C1S: variants seen among roughly 807,000 people sequenced by gnomAD.
C1S encodes the protein complement C1s subcomponent.
Under a neutral mutation model 54.0 loss-of-function variants are expected in C1S, and 31 were observed. The ratio of observed to expected loss-of-function variants is 0.57; its 90% CI spans 0.43 to 0.78. The LOEUF is 0.78. C1S is among the 30% of genes least tolerant of loss of function. The pLI, the probability that C1S is intolerant of heterozygous loss-of-function variation, is 0.00. For synonymous variants in C1S, 292 were observed against 303.6 expected (o/e 0.96, Z 0.40); for missense variants, 727 against 851.8 (o/e 0.85, Z 1.82).
rs782018758 is a variant in C1S, at chr12:7,062,886, T to G, written c.214-4T>G. 129 of 1,613,578 alleles carry G rather than the reference T, an allele frequency of 8.0e-5. No homozygotes were observed. The highest frequency in any genetic ancestry group is 1.1e-4 in the Non-Finnish European group (129 of 1,179,874). ...AGATTTTTTTTTTGTGACTCTTCTC[T>G]TAGATAATCTCAGGAGACACTGAAG... On this transcript the variant is annotated splice_region_variant and splice_polypyrimidine_tract_variant and intron_variant, in intron 3 of 11. Coordinates refer to ENST00000360817, the MANE Select transcript of C1S (RefSeq NM_001734.5).
At chr12:7,064,232 T>A in intron 4 of C1S, 35 bp from the exon 5 acceptor site, 1 of 1,613,250 alleles carries the variant, frequency 6.2e-7, no homozygotes, top group Non-Finnish European at 8.5e-7. Flanking sequence ...TCTTGGTGTT[T>A]GTTCTTGACC....
rs1937815259 is a variant in C1S, at chr12:7,070,320, C to T, written c.1736C>T (p.Ala579Val). The change falls in exon 12 of 12, where the codon GCT (alanine) becomes GTT (valine). Residue 579 changes from alanine (A) to valine (V), a missense_variant. Physicochemically the swap from Ala to Val is moderately conservative, Grantham distance 64 (BLOSUM62 0). Coordinates refer to ENST00000360817, the MANE Select transcript of C1S (RefSeq NM_001734.5). The surrounding 1 kb of genome is among the most constrained non-coding windows in gnomAD (Gnocchi z 4.9). Reference sequence around the variant, plus strand: ...GGCCGAACAGAGAAGAGAGATCGTGCTGTTCGCCTCAAGGCGGCAAGGTTA... The same window carrying T: ...GGCCGAACAGAGAAGAGAGATCGTGTTGTTCGCCTCAAGGCGGCAAGGTTA... ...GWGRTEKRDR[A>V]VRLKAARLPV... 1 of 1,614,262 alleles carries T rather than the reference C, an allele frequency of 6.2e-7. No individual in the cohort carries two copies. The highest frequency in any genetic ancestry group is 8.5e-7 in the Non-Finnish European group (1 of 1,180,054).
intron 5 of C1S, among the ~76,000 whole-genome samples, 183 bp from the exon 6 acceptor site, chr12:7,064,917 A>T (rs1947151110): frequency 6.6e-6 from 1 of 152,170 alleles, no homozygotes; most frequent in Admixed American, 6.5e-5. Flanking sequence ...CCTAATAGGG[A>T]TTGGGTATTC....
chr12:7,063,202 C>G (rs1565620001), intron 4 of C1S, 135 bp downstream of exon 4: 1 of 783,978 alleles, frequency 1.3e-6, no homozygotes, highest in Non-Finnish European at 2.1e-6. Context: ...CTGGGTCGCT[C>G]CATAAATCAC....
At chr12:7,064,949 G>A (rs1002251749) in intron 5 of C1S, 151 bp from the exon 6 acceptor site, 1 of 680,084 alleles carries the variant, frequency 1.5e-6, no homozygotes, top group Non-Finnish European at 2.6e-6. Context: ...TATTGCACGT[G>A]TAATTGCTCT....
intron 4 of C1S, among the ~76,000 whole-genome samples, chr12:7,063,746 C>T (rs781850593): frequency 2.0e-4 from 30 of 152,222 alleles, no homozygotes; most frequent in Admixed American, 3.3e-4. Flanking sequence ...CTGCCTAGGC[C>T]GGGCATGGTA....
At position 7,070,928 on chromosome 12, in the gene C1S, G is replaced by C. The variant is rs1051854467; in HGVS notation, c.*277G>C. The C allele has an allele frequency of 4.4e-6, 2 of 452,338 alleles. No homozygotes were observed. The highest frequency in any genetic ancestry group is 8.1e-6 in the Non-Finnish European group (2 of 247,986). 28.0% of individuals were successfully genotyped at this position (452,338 alleles called of 1,614,324 possible). The stretch of plus-strand genomic sequence containing the variant: ...ACTCCTTTCTTGCACTATTCCACAG[G>C]GATACCTTAATTCTTTGTTTCCTCT... On this transcript the variant is annotated 3_prime_UTR_variant, in exon 12 of 12. Transcript: ENST00000360817. The surrounding 1 kb of genome is among the most constrained non-coding windows in gnomAD (Gnocchi z 4.9).
In C1S at chr12:7,067,749, C is replaced by G; in HGVS notation, c.1173C>G (p.Tyr391Ter). The G allele has an allele frequency of 6.2e-7, 1 of 1,613,910 alleles. No individual in the cohort carries two copies. The highest frequency in any genetic ancestry group is 8.5e-7 in the Non-Finnish European group (1 of 1,179,824). The change falls in exon 10 of 12, where the codon TAC becomes TAG. Residue 391 changes from tyrosine to a stop codon, truncating the protein, a stop_gained. Transcript: ENST00000360817. LOFTEE classifies it high-confidence loss of function. ...VIRYTCEEPY[Y>*]YMENGGGGEY... is the part of the protein sequence containing the mutation. Reference sequence around the variant, plus strand: ...GCTACACTTGTGAGGAGCCATATTACTACATGGAAAATGGAGGAGGTGGTA... The same window carrying G: ...GCTACACTTGTGAGGAGCCATATTAGTACATGGAAAATGGAGGAGGTGGTA...
At chr12:7,066,660 A>G (rs781813942) in intron 8 of C1S, 27 bp downstream of exon 8, 2 of 1,334,098 alleles carry the variant, frequency 1.5e-6, no homozygotes, top group Non-Finnish European at 2.2e-6. Flanking sequence ...GCTTCTCCCC[A>G]GTCCCTGGCC....
intron 11 of C1S, among the ~76,000 whole-genome samples, 188 bp from the exon 12 acceptor site, chr12:7,069,667 G>A (rs1190240982): frequency 2.0e-5 from 3 of 149,326 alleles, no homozygotes; most frequent in East Asian, 2.0e-4. Context: ...TTATGACATC[G>A]GCAAAGCGGG....
In C1S at chr12:7,068,457, G is replaced by C. The variant is rs782142951; in HGVS notation, c.1197G>C (p.Gly399=). The C allele has an allele frequency of 3.7e-6, 6 of 1,611,368 alleles. No individual in the cohort carries two copies. In the South Asian group the frequency reaches 6.6e-5, roughly 18 times the overall value. Reference sequence around the variant, plus strand: ...CCTGTGTTCTCTGTGCTATTCCAGGGGAGTATCACTGTGCTGGTAACGGGA... The same window carrying C: ...CCTGTGTTCTCTGTGCTATTCCAGGCGAGTATCACTGTGCTGGTAACGGGA... The part of the protein sequence containing the change: ...PYYYMENGGG[G]EYHCAGNGSW... The change falls in exon 11 of 12, where the codon GGG becomes GGC. Residue 399 remains glycine, a splice_region_variant and synonymous_variant. Coordinates refer to ENST00000360817, the MANE Select transcript of C1S (RefSeq NM_001734.5).
At chr12:7,062,713 G>A (rs930845190) in intron 3 of C1S, 31 bp downstream of exon 3, 1 of 1,593,252 alleles carries the variant, frequency 6.3e-7, no homozygotes, top group Non-Finnish European at 8.6e-7. Flanking sequence ...GAATAGAGAT[G>A]GAAGACTAGG....
intron 10 of C1S, among the ~76,000 whole-genome samples, 193 bp from the exon 11 acceptor site, chr12:7,068,263 T>C (rs1937730102): frequency 6.6e-6 from 1 of 152,220 alleles, no homozygotes; most frequent in Admixed American, 6.5e-5. Flanking sequence ...TTTGTCTCCC[T>C]GGCAGGCTAG....
chr12:7,066,510 CT>C lies in C1S; in HGVS notation c.872-5del. 2 of 1,554,410 alleles carry C rather than the reference CT, an allele frequency of 1.3e-6. No homozygotes were observed. Among genetic ancestry groups the C allele is most frequent in the Non-Finnish European group, 1.8e-6 (2 of 1,125,456 alleles). On this transcript the variant is annotated splice_region_variant and splice_polypyrimidine_tract_variant and intron_variant, in intron 7 of 11. Transcript: ENST00000360817. ...TTTTCCTCCTGTCCCAACTTCTGTTCTTTCAAGCAATGCCCTGCCCTAAGGA... is the reference window on the plus strand; with the variant it reads ...TTTTCCTCCTGTCCCAACTTCTGTTCTTCAAGCAATGCCCTGCCCTAAGGA...
rs1189443633 is a variant in C1S at position 7,070,336 on chromosome 12, G to A, written c.1752G>A (p.Ala584=). 27 of 1,614,148 alleles carry A rather than the reference G, an allele frequency of 1.7e-5. No individual in the cohort carries two copies. Among genetic ancestry groups the A allele is most frequent in the African/African-American group, 2.7e-5 (2 of 74,950 alleles). The change falls in exon 12 of 12, where the codon GCG becomes GCA. Residue 584 remains alanine (A), a synonymous_variant. Transcript: ENST00000360817. The surrounding 1 kb of genome is among the most constrained non-coding windows in gnomAD (Gnocchi z 4.9). ...EKRDRAVRLK[A]ARLPVAPLRK... ...GAGATCGTGCTGTTCGCCTCAAGGC[G>A]GCAAGGTTACCTGTAGCTCCTTTAA...
intron 9 of C1S, 115 bp from the exon 10 acceptor site, chr12:7,067,528 C>G: frequency 1.7e-6 from 2 of 1,209,566 alleles, no homozygotes; most frequent in Non-Finnish European, 2.4e-6. Flanking sequence ...GAGGTTCATC[C>G]CAGGTGTGCC....
At chr12:7,064,233 G>T (rs1555161725) in intron 4 of C1S, 34 bp from the exon 5 acceptor site, 2 of 1,613,028 alleles carry the variant, frequency 1.2e-6, no homozygotes, top group South Asian at 1.1e-5. Flanking sequence ...CTTGGTGTTT[G>T]TTCTTGACCT....
Position 7,061,920 on chromosome 12 carries a change from A to G in C1S, c.5+3A>G. ...GTGGACAAATCGCCAGAGATGTGGT[A>G]AGTGATCAAGGGTCCCTGAGATGAC... On this transcript the variant is annotated splice_donor_region_variant and intron_variant, in intron 2 of 11. Coordinates refer to ENST00000360817, the MANE Select transcript of C1S (RefSeq NM_001734.5). 6.2e-7 allele frequency: 1 copy of G among 1,613,814 alleles called. No homozygotes were observed.
At position 7,065,061 on chromosome 12, in the gene C1S, C is replaced by A. The variant is rs201513963; in HGVS notation, c.518-39C>A. On this transcript the variant is annotated intron_variant, in intron 5 of 11. Coordinates refer to ENST00000360817, the MANE Select transcript of C1S (RefSeq NM_001734.5). The stretch of plus-strand genomic sequence containing the variant: ...ATAGTGCAGGAATTCCTTTGCTTGA[C>A]CCTGTATTTGATTCTCCCTTTCTCT... 1.9e-4 allele frequency: 292 copies of A among 1,511,008 alleles called. No individual in the cohort carries two copies. In the African/African-American group the frequency reaches 3.8e-3, roughly 20 times the overall value. The allele number at this position is 1,511,008 out of a possible 1,614,324, so 93.6% of individuals were successfully genotyped here.
Sources: gnomAD v4.1 joint callset for allele counts (sites outside exome capture counted in the v4.1 genomes callset) on GRCh38, gnomAD v4.1.1 for gene constraint, Gnocchi (gnomAD v3.1) non-coding constraint, MANE v1.5 for transcripts, NCBI Gene and HGNC (gene_info 2026-07-23, HGNC 2026-07-21) for gene names.